The following DCLK1 variants were observed in gnomAD, a reference collection of about 807,000 sequenced individuals.
The protein encoded by DCLK1 is doublecortin like kinase 1, also known as serine/threonine-protein kinase DCLK1.
A neutral mutation model predicts 86.2 loss-of-function variants in DCLK1; 16 were observed. The ratio of observed to expected loss-of-function variants is 0.19; its 90% CI spans 0.13 to 0.28. DCLK1 has a LOEUF of 0.28. Ranked by LOEUF, DCLK1 falls within the 10% of genes least tolerant of loss-of-function variation. The probability of loss-of-function intolerance (pLI) is 1.00; values close to 1 mark genes in which losing one functional copy is unlikely to be tolerated. For synonymous variants in DCLK1, 369 were observed against 370.5 expected (o/e 1.00, Z 0.05); for missense variants, 590 against 940.2 (o/e 0.63, Z 4.87).
chr13:35,988,582 T>C (rs1048306879), intron 3 of DCLK1, among the ~76,000 whole-genome samples: 1 of 152,346 alleles, frequency 6.6e-6, no homozygotes, highest in South Asian at 2.1e-4. Flanking sequence ...TCCCAAAGAA[T>C]GGTCTAACAG....
At chr13:36,006,604 AG>A (rs992806628) in intron 3 of DCLK1, among the ~76,000 whole-genome samples, 30 of 152,352 alleles carry the variant, frequency 2.0e-4, no homozygotes, top group African/African-American at 7.0e-4. Context: ...AGGGGAAAGG[AG>A]GGGGCGCAGC....
At chr13:35,826,572 A>G (rs1720328113) in intron 10 of DCLK1, among the ~76,000 whole-genome samples, 1 of 98,956 alleles carries the variant, frequency 1.0e-5, no homozygotes, top group African/African-American at 2.9e-5. Flanking sequence ...ACAAGTCCTA[A>G]TTTGAAGTAG....
At chr13:35,781,633 C>T (rs532498607) in intron 16 of DCLK1, among the ~76,000 whole-genome samples, 2 of 152,224 alleles carry the variant, frequency 1.3e-5, no homozygotes, top group East Asian at 3.9e-4. Context: ...ACTGCTTTTC[C>T]TTTTTTGCTT....
chr13:36,126,086 C>T lies in DCLK1; in HGVS notation c.52G>A (p.Ala18Thr). 6.2e-7 allele frequency: 1 copy of T among 1,610,354 alleles called. No individual in the cohort carries two copies. The highest frequency in any genetic ancestry group is 8.5e-7 in the Non-Finnish European group (1 of 1,178,588). The change falls in exon 2 of 17, where the codon GCG (alanine) becomes ACG (threonine). Residue 18 changes from alanine (A) to threonine (T), a missense_variant. Coordinates refer to ENST00000360631, the MANE Select transcript of DCLK1 (RefSeq NM_001330071.2). ...ELEHFDERDK[A>T]QRYSRGSRVN... ...CGCGACCCTCGGCTGTATCTCTGCG[C>T]CTTATCCCGCTCGTCGAAGTGCTCC...
intron 3 of DCLK1, among the ~76,000 whole-genome samples, chr13:36,045,377 T>TATCTATATATAC (rs568110221): frequency 0.064 from 8,024 of 124,994 alleles, 421 homozygotes; most frequent in East Asian, 0.19. Context: ...TATATATATA[T>TATCTATATATAC]TTCAAGGTAA....
At chr13:35,786,099 A>G (rs1473399806) in intron 16 of DCLK1, among the ~76,000 whole-genome samples, 1 of 152,172 alleles carries the variant, frequency 6.6e-6, no homozygotes, top group African/African-American at 2.4e-5. Flanking sequence ...CCCATTATTC[A>G]GGGATGTGTC....
In DCLK1 at chr13:35,920,268, G is replaced by T. The variant is rs80034851; in HGVS notation, c.823+27090C>A. Among the ~76,000 whole-genome samples, 1,397 of 152,196 alleles carry T rather than the reference G, an allele frequency of 9.2e-3. 31 individuals carry two copies. Among genetic ancestry groups the T allele is most frequent in the African/African-American group, 0.031 (1,294 of 41,524 alleles). On this transcript the variant is annotated intron_variant, in intron 4 of 16. Coordinates refer to ENST00000360631, the MANE Select transcript of DCLK1 (RefSeq NM_001330071.2). ...TCCACTCCACAGACCTGCCCTTCAC[G>T]TGTCCTTGCCTTGACACGTATGGAG...
At chr13:35,961,023 T>C (rs907011392) in intron 3 of DCLK1, among the ~76,000 whole-genome samples, 15 of 152,206 alleles carry the variant, frequency 9.9e-5, no homozygotes, top group African/African-American at 3.4e-4. Flanking sequence ...TATTTTTCTA[T>C]TCCAATTCAC....
chr13:35,807,711 T>G (rs7996704), intron 14 of DCLK1, among the ~76,000 whole-genome samples: 24,562 of 152,156 alleles, frequency 0.16, 2,991 homozygotes, highest in African/African-American at 0.33. Context: ...TATCTTTTTT[T>G]GGGTAGAGAG....
intron 3 of DCLK1, among the ~76,000 whole-genome samples, chr13:36,040,401 C>T (rs748107185): frequency 2.5e-4 from 36 of 142,426 alleles, no homozygotes; most frequent in Non-Finnish European, 4.5e-4. Flanking sequence ...TAGTATCCCT[C>T]AAACTGTCAA....
Position 35,822,935 on chromosome 13 carries a change from C to T in DCLK1, c.1408-60G>A. 3 of 1,590,594 alleles carry T rather than the reference C, an allele frequency of 1.9e-6. No homozygotes were observed. The South Asian group carries it at 3.3e-5, about 18-fold the overall frequency. On this transcript the variant is annotated intron_variant, in intron 10 of 16. Coordinates refer to ENST00000360631, the MANE Select transcript of DCLK1 (RefSeq NM_001330071.2). ...ACAGACGGGCCAGTGGGGCCACCTG[C>T]AGAGGCCATTGACAAACCCCAAAGG...
chr13:35,850,008 T>C (rs2153109778), intron 6 of DCLK1: 1 of 970,926 alleles, frequency 1.0e-6, no homozygotes, highest in Admixed American at 6.2e-5. Flanking sequence ...ATTTATACTG[T>C]TTCTAATAAA....
At position 35,955,224 on chromosome 13, in the gene DCLK1, T is replaced by C. The variant is rs1877915197; in HGVS notation, c.724-7767A>G. On this transcript the variant is annotated intron_variant, in intron 3 of 16. Coordinates refer to ENST00000360631, the MANE Select transcript of DCLK1 (RefSeq NM_001330071.2). ...TTTTTTTTTTAATGCTAACATTTCA[T>C]TCTCTTTTTAAAAATGTGTCTCTTA... Among the ~76,000 whole-genome samples the C allele has an allele frequency of 2.6e-5, 4 of 152,206 alleles. No individual in the cohort carries two copies. The South Asian group carries it at 8.3e-4, about 32-fold the overall frequency.
At chr13:35,817,610 T>A (rs2087300668) in intron 11 of DCLK1, among the ~76,000 whole-genome samples, 1 of 152,170 alleles carries the variant, frequency 6.6e-6, no homozygotes, top group Non-Finnish European at 1.5e-5. Flanking sequence ...TGGCAGCCTT[T>A]CCTATATTTG....
chr13:35,895,287 TA>T (rs71196594), intron 4 of DCLK1, among the ~76,000 whole-genome samples: 2,480 of 139,744 alleles, frequency 0.018, 33 homozygotes, highest in African/African-American at 0.043. Context: ...ACAGGAAAGG[TA>T]AAAAAAAAAA....
intron 15 of DCLK1, among the ~76,000 whole-genome samples, chr13:35,797,462 G>A (rs568055127): frequency 1.3e-5 from 2 of 152,230 alleles, no homozygotes; most frequent in Non-Finnish European, 2.9e-5. Context: ...TCAGATACTG[G>A]GGCCTGGAGG....
chr13:36,074,434 G>A (rs1884095522), intron 3 of DCLK1, among the ~76,000 whole-genome samples: 1 of 131,098 alleles, frequency 7.6e-6, no homozygotes, highest in Non-Finnish European at 1.6e-5. Flanking sequence ...AGCCTGCAGT[G>A]AGCTCCAGCC....
intron 6 of DCLK1, chr13:35,849,359 G>GA (rs879382699): frequency 2.1e-4 from 205 of 961,288 alleles, no homozygotes; most frequent in Middle Eastern, 1.1e-3. Context: ...AGTAAAATTT[G>GA]AAAAAAAAAA....
Position 35,868,303 on chromosome 13 carries a change from G to T in DCLK1, c.940+2921C>A, listed in dbSNP as rs182969679. On this transcript the variant is annotated intron_variant, in intron 5 of 16. Transcript: ENST00000360631. ...CCCAAAGTGCTGGGATTACAGGCGT[G>T]AGCCACCGCACCTGGCCCAACCTAC... Among the ~76,000 whole-genome samples the T allele has an allele frequency of 2.6e-5, 4 of 152,052 alleles. No homozygotes were observed. In the East Asian group the frequency reaches 7.7e-4, roughly 29 times the overall value.
Sources: gnomAD v4.1 joint callset for allele counts (sites outside exome capture counted in the v4.1 genomes callset) on GRCh38, gnomAD v4.1.1 for gene constraint, MANE v1.5 for transcripts, NCBI Gene and HGNC (gene_info 2026-07-23, HGNC 2026-07-21) for gene names.